The following CDH17 variants were observed in gnomAD, a reference collection of about 807,000 sequenced individuals.
CDH17 encodes cadherin-17.
CDH17 carries 67 observed loss-of-function variants against 86.3 expected under a neutral mutation model. The ratio of observed to expected loss-of-function variants is 0.78; its 90% CI spans 0.64 to 0.95. The LOEUF (loss-of-function observed/expected upper bound fraction) is 0.95. Among genes scored for constraint, CDH17 ranks in the 40% least tolerant of loss-of-function variants. CDH17 has a pLI of 0.00. For synonymous variants in CDH17, 367 were observed against 366.4 expected (o/e 1.00, Z -0.02); for missense variants, 993 against 1,017.6 (o/e 0.98, Z 0.33).
At chr8:94,187,215 A>G (rs758665214) in intron 3 of CDH17, among the ~76,000 whole-genome samples, 9 of 152,264 alleles carry the variant, frequency 5.9e-5, no homozygotes, top group Non-Finnish European at 7.3e-5. Context: ...CATTGTACAC[A>G]ATATGTGCAA....
intron 12 of CDH17, among the ~76,000 whole-genome samples, chr8:94,154,409 A>C (rs1361751069): frequency 6.6e-6 from 1 of 152,214 alleles, no homozygotes; most frequent in African/African-American, 2.4e-5. Context: ...AAATGCTTAC[A>C]TAGAGATTTC....
chr8:94,146,873 T>C (rs1812754303), intron 14 of CDH17, among the ~76,000 whole-genome samples: 1 of 151,944 alleles, frequency 6.6e-6, no homozygotes, highest in Non-Finnish European at 1.5e-5. Flanking sequence ...AGACATTGTT[T>C]CTACAACTTC....
chr8:94,214,166 T>C lies in CDH17; in HGVS notation c.-21+3032A>G, dbSNP rs1416206760. Among the ~76,000 whole-genome samples the C allele has an allele frequency of 2.0e-5, 3 of 152,044 alleles. No individual in the cohort carries two copies. In the South Asian group the frequency reaches 6.2e-4, roughly 32 times the overall value. ...CCAAAACATACGCCTCCTAGAACACTACCCCTTCATGTTAGCCCTGGTGGT... is the reference window on the plus strand; with the variant it reads ...CCAAAACATACGCCTCCTAGAACACCACCCCTTCATGTTAGCCCTGGTGGT... On this transcript the variant is annotated intron_variant, in intron 1 of 17. Coordinates refer to the CDH17 transcript ENST00000450165.
chr8:94,142,293 T>C (rs761956112), intron 15 of CDH17, among the ~76,000 whole-genome samples: 4 of 152,206 alleles, frequency 2.6e-5, no homozygotes, highest in Non-Finnish European at 4.4e-5. Context: ...TAACAGCTTA[T>C]ACTATACTCT....
At chr8:94,166,829 G>A (rs1442101718) in intron 9 of CDH17, among the ~76,000 whole-genome samples, 1 of 152,158 alleles carries the variant, frequency 6.6e-6, no homozygotes, top group African/African-American at 2.4e-5. Context: ...CAAGTAGCCA[G>A]GGAACACCAG....
At chr8:94,145,476 G>T (rs1450123842) in intron 15 of CDH17, among the ~76,000 whole-genome samples, 1 of 152,170 alleles carries the variant, frequency 6.6e-6, no homozygotes, top group African/African-American at 2.4e-5. Context: ...GGGATGGGTG[G>T]GAAGCAGAGA....
In CDH17 at chr8:94,173,967, G is replaced by T; in HGVS notation, c.613C>A (p.Pro205Thr). The change falls in exon 7 of 18, where the codon CCT becomes ACT. Residue 205 changes from proline (P) to threonine (T), a missense_variant. Coordinates refer to ENST00000027335, the MANE Select transcript of CDH17 (RefSeq NM_004063.4). ...ACTGAGATCACCAGATTATAGGAAG[G>T]ATTCTTAGCAGGATTCAATTCCTGA... ...GSQELNPAKN[P>T]SYNLVISVKD... 6.2e-7 allele frequency: 1 copy of T among 1,613,822 alleles called. No individual in the cohort carries two copies. Among genetic ancestry groups the T allele is most frequent in the Non-Finnish European group, 8.5e-7 (1 of 1,179,844 alleles).
upstream of CDH17, among the ~76,000 whole-genome samples, chr8:94,212,685 T>C (rs189163323): frequency 9.8e-4 from 150 of 152,330 alleles, no homozygotes; most frequent in African/African-American, 2.8e-3. Context: ...GAAGATAGTT[T>C]GAGGTTAGTA....
At chr8:94,199,037 TGATATA>T (rs1434640409) in intron 1 of CDH17, among the ~76,000 whole-genome samples, 12 of 84,402 alleles carry the variant, frequency 1.4e-4, no homozygotes, top group African/African-American at 6.0e-4. Context: ...CAGTTCTGAT[TGATATA>T]TATATATATA....
intron 1 of CDH17, among the ~76,000 whole-genome samples, chr8:94,195,989 C>T (rs1813779389): frequency 6.6e-6 from 1 of 151,646 alleles, no homozygotes. Context: ...CTCAATCTCC[C>T]GACCTCGTGA....
At chr8:94,197,052 G>A (rs896750799) in intron 1 of CDH17, among the ~76,000 whole-genome samples, 3 of 152,230 alleles carry the variant, frequency 2.0e-5, no homozygotes, top group African/African-American at 2.4e-5. Context: ...CCACAAAACC[G>A]GAAGACCCAC....
At chr8:94,162,280 T>C in intron 10 of CDH17, 118 bp from the exon 11 acceptor site, 1 of 688,980 alleles carries the variant, frequency 1.5e-6, no homozygotes, top group South Asian at 1.7e-5. Flanking sequence ...ATTTTGCAAT[T>C]GACATGCAAT....
Position 94,162,177 on chromosome 8 carries a change from C to A in CDH17, c.1283-15G>T. The A allele has an allele frequency of 6.5e-7, 1 of 1,530,588 alleles. No homozygotes were observed. The highest frequency in any genetic ancestry group is 1.1e-5 in the South Asian group (1 of 88,038). 94.8% of individuals were successfully genotyped at this position (1,530,588 alleles called of 1,614,324 possible). ...GGTCTTGAAATCTGAAAACCAAAGTCATATGTCATAGAAATTTTCACTGAA... is the reference window on the plus strand; with the variant it reads ...GGTCTTGAAATCTGAAAACCAAAGTAATATGTCATAGAAATTTTCACTGAA... On this transcript the variant is annotated splice_polypyrimidine_tract_variant and intron_variant, in intron 10 of 17. Transcript: ENST00000027335.
chr8:94,182,966 A>G (rs1344116219), intron 3 of CDH17, among the ~76,000 whole-genome samples: 1 of 152,128 alleles, frequency 6.6e-6, no homozygotes, highest in Non-Finnish European at 1.5e-5. Context: ...CCATTAGCAA[A>G]TAGCAACCCA....
At position 94,176,573 on chromosome 8, in the gene CDH17, T is replaced by C; in HGVS notation, c.392A>G (p.Tyr131Cys). 3 of 1,613,878 alleles carry C rather than the reference T, an allele frequency of 1.9e-6. No individual in the cohort carries two copies. The highest frequency in any genetic ancestry group is 2.5e-6 in the Non-Finnish European group (3 of 1,179,796). Residue 131 changes from tyrosine to cysteine, a missense_variant, in exon 5 of 18, where the codon TAC becomes TGC. Transcript: ENST00000027335. The part of the protein sequence containing the change: ...DNRPTFLQSK[Y>C]EGSVRQNSRP... ...AGAGTTCTGCCTTACTGAGCCTTCG[T>C]ACTTTGACTGGAGAAACGTGGGTCG...
chr8:94,128,347 GA>G lies in CDH17; in HGVS notation c.2399-8del. On this transcript the variant is annotated splice_polypyrimidine_tract_variant and splice_region_variant and intron_variant, in intron 17 of 17. Transcript: ENST00000027335. Reference sequence around the variant, plus strand: ...ACAACTGCTAAAATTATACCTAAAAGAAAAAACCCAGGGTCAAATAAATGGG... The same window carrying G: ...ACAACTGCTAAAATTATACCTAAAAGAAAAACCCAGGGTCAAATAAATGGG... 6.4e-7 allele frequency: 1 copy of G among 1,559,016 alleles called. No homozygotes were observed. The highest frequency in any genetic ancestry group is 8.8e-7 in the Non-Finnish European group (1 of 1,132,938).
At chr8:94,189,394 G>C in intron 2 of CDH17, 109 bp from the exon 3 acceptor site, 1 of 741,200 alleles carries the variant, frequency 1.3e-6, no homozygotes. Flanking sequence ...ATTCTATCAT[G>C]GCTGAAATCT....
At chr8:94,160,206 C>T (rs1813025362) in intron 11 of CDH17, 44 bp from the exon 12 acceptor site, 1 of 1,462,072 alleles carries the variant, frequency 6.8e-7, no homozygotes, top group Non-Finnish European at 9.4e-7. Flanking sequence ...GGTCTGCTGT[C>T]ATCAAAGCCA....
chr8:94,203,024 T>C (rs141009647), intron 1 of CDH17: 11 of 230,380 alleles, frequency 4.8e-5, no homozygotes, highest in African/African-American at 2.1e-4. Flanking sequence ...CTCCTTAGTA[T>C]CCGGCTTCTC....
Sources: gnomAD v4.1 joint callset for allele counts (sites outside exome capture counted in the v4.1 genomes callset) on GRCh38, gnomAD v4.1.1 for gene constraint, MANE v1.5 for transcripts, NCBI Gene and HGNC (gene_info 2026-07-23, HGNC 2026-07-21) for gene names.